EFEMP1: variants seen among roughly 807,000 people sequenced by gnomAD.
EFEMP1 encodes the protein EGF-like fibulin extracellular matrix protein 1.
EFEMP1 carries 18 observed loss-of-function variants against 65.7 expected under a neutral mutation model. The ratio of observed to expected loss-of-function variants is 0.27; its 90% CI spans 0.19 to 0.41. The LOEUF (loss-of-function observed/expected upper bound fraction) is 0.41. Among genes scored for constraint, EFEMP1 ranks in the 10% least tolerant of loss-of-function variants. The probability of loss-of-function intolerance (pLI) is 1.00; values close to 1 mark genes in which losing one functional copy is unlikely to be tolerated. For synonymous variants in EFEMP1, 237 were observed against 219.7 expected, an observed-to-expected ratio of 1.08 and a Z score of -0.70; for missense variants, 469 against 624.8, an observed-to-expected ratio of 0.75 and a Z score of 2.66.
At chr2:55,874,857 G>C (rs1668964111) in intron 9 of EFEMP1, 89 bp downstream of exon 9, 1 of 1,369,474 alleles carries the variant, frequency 7.3e-7, no homozygotes, top group South Asian at 1.4e-5. Flanking sequence ...TGGGAAAAAT[G>C]AAAGTCTATA....
Position 55,870,649 on chromosome 2 carries a change from A to G in EFEMP1, c.1320+71T>C. 1 of 1,541,562 alleles carries G rather than the reference A, an allele frequency of 6.5e-7. No homozygotes were observed. The highest frequency in any genetic ancestry group is 8.9e-7 in the Non-Finnish European group (1 of 1,127,142). ...CTTCCACATGTGGATACCACACAACAACAACAACAACAACAACAACAACAA... is the reference window on the plus strand; with the variant it reads ...CTTCCACATGTGGATACCACACAACGACAACAACAACAACAACAACAACAA... On this transcript the variant is annotated intron_variant, in intron 11 of 11. Coordinates refer to ENST00000355426, the MANE Select transcript of EFEMP1 (RefSeq NM_001039348.3). This position sits in a 1 kb window ranked among gnomAD's most constrained non-coding sequence, Gnocchi z 5.8.
At chr2:55,903,278 A>G (rs1338971734) in intron 5 of EFEMP1, among the ~76,000 whole-genome samples, 2 of 152,240 alleles carry the variant, frequency 1.3e-5, no homozygotes, top group Non-Finnish European at 2.9e-5. Context: ...GTTACAATGT[A>G]ATTTGTATTG....
At chr2:55,896,540 T>A (rs964158317) in intron 5 of EFEMP1, among the ~76,000 whole-genome samples, 2 of 152,214 alleles carry the variant, frequency 1.3e-5, no homozygotes, top group Admixed American at 1.3e-4. Context: ...CTACTCCTTA[T>A]GTTTGATAAA....
At chr2:55,876,799 T>G in intron 7 of EFEMP1, 57 bp from the exon 8 acceptor site, 1 of 1,076,824 alleles carries the variant, frequency 9.3e-7, no homozygotes, top group Non-Finnish European at 1.3e-6. Context: ...CACACACATA[T>G]ATATATAGAC....
Position 55,877,666 on chromosome 2 carries a change from T to G in EFEMP1, c.760+80A>C, listed in dbSNP as rs1012112657. The G allele has an allele frequency of 1.3e-6, 2 of 1,598,714 alleles. No individual in the cohort carries two copies. The highest frequency in any genetic ancestry group is 2.7e-5 in the African/African-American group (2 of 74,516). ...GATGGAAACTATTTACTCAAGAACATAGAAAACTGGAAATACTGCAACATG... is the reference window on the plus strand; with the variant it reads ...GATGGAAACTATTTACTCAAGAACAGAGAAAACTGGAAATACTGCAACATG... On this transcript the variant is annotated intron_variant, in intron 7 of 11. Coordinates refer to ENST00000355426, the MANE Select transcript of EFEMP1 (RefSeq NM_001039348.3). The surrounding 1 kb of genome is among the most constrained non-coding windows in gnomAD (Gnocchi z 4.5).
At chr2:55,879,863 G>A (rs1035402680) in intron 6 of EFEMP1, among the ~76,000 whole-genome samples, 1 of 152,186 alleles carries the variant, frequency 6.6e-6, no homozygotes, top group Non-Finnish European at 1.5e-5. Context: ...GTATTGGTCT[G>A]CCGTAGATTG....
At chr2:55,888,236 T>C (rs191747516) in intron 5 of EFEMP1, among the ~76,000 whole-genome samples, 4 of 152,296 alleles carry the variant, frequency 2.6e-5, no homozygotes, top group African/African-American at 7.2e-5. Context: ...GGAAACAACA[T>C]TGTCTACTGT....
chr2:55,875,879 A>G (rs1040288505), intron 8 of EFEMP1, among the ~76,000 whole-genome samples: 3 of 150,816 alleles, frequency 2.0e-5, no homozygotes, highest in Non-Finnish European at 4.4e-5. Context: ...GTCCTGAGGT[A>G]GCCTCTTTCA....
At position 55,870,615 on chromosome 2, in the gene EFEMP1, T is replaced by C; in HGVS notation, c.1320+105A>G. The stretch of plus-strand genomic sequence containing the variant: ...GCCTACACATAAGACACTTTAAATG[T>C]TTGCTTTCCTTCCACATGTGGATAC... On this transcript the variant is annotated intron_variant, in intron 11 of 11. Coordinates refer to ENST00000355426, the MANE Select transcript of EFEMP1 (RefSeq NM_001039348.3). The surrounding 1 kb of genome is among the most constrained non-coding windows in gnomAD (Gnocchi z 5.8). 7.1e-7 allele frequency: 1 copy of C among 1,410,812 alleles called. No individual in the cohort carries two copies. Among genetic ancestry groups the C allele is most frequent in the South Asian group, 1.2e-5 (1 of 85,276 alleles). 87.4% of individuals were successfully genotyped at this position (1,410,812 alleles called of 1,614,324 possible).
chr2:55,904,474 G>A (rs1222142233), intron 5 of EFEMP1, among the ~76,000 whole-genome samples: 1 of 152,152 alleles, frequency 6.6e-6, no homozygotes, highest in Admixed American at 6.5e-5. Context: ...GGTGTTTCCA[G>A]AATAGACAGC....
At position 55,876,623 on chromosome 2, in the gene EFEMP1, C is replaced by G; in HGVS notation, c.880G>C (p.Asp294His). 3 of 1,611,962 alleles carry G rather than the reference C, an allele frequency of 1.9e-6. No individual in the cohort carries two copies. Among genetic ancestry groups the G allele is most frequent in the Non-Finnish European group, 2.5e-6 (3 of 1,178,660 alleles). ...CCATACTATCTGGGAAGAGTTTTAC[C>G]TTCACAGTTGAGCCTGTCACTGCTT... ...ELSSDRLNCE[D>H]IDECRTSSYL... Residue 294 changes from aspartate (D) to histidine (H), a missense_variant and splice_region_variant, in exon 8 of 12, where the codon GAC becomes CAC. Coordinates refer to ENST00000355426, the MANE Select transcript of EFEMP1 (RefSeq NM_001039348.3).
intron 5 of EFEMP1, among the ~76,000 whole-genome samples, chr2:55,890,469 T>C (rs576227157): frequency 6.6e-6 from 1 of 152,216 alleles, no homozygotes; most frequent in South Asian, 2.1e-4. Flanking sequence ...TTTGAACTAA[T>C]TGACATGTAT....
chr2:55,922,169 C>G lies in EFEMP1; in HGVS notation c.81+191G>C. On this transcript the variant is annotated intron_variant, in intron 3 of 11. Transcript: ENST00000355426. The surrounding 1 kb of genome is among the most constrained non-coding windows in gnomAD (Gnocchi z 5.5). The stretch of plus-strand genomic sequence containing the variant: ...TTGGTTCCTATCTTAGGTGGTGAGC[C>G]CAATGAACTTTTGAAAGGATCAAGG... 1.7e-6 allele frequency: 1 copy of G among 594,258 alleles called. No individual in the cohort carries two copies. 36.8% of individuals were successfully genotyped at this position (594,258 alleles called of 1,614,324 possible). A position where few individuals can be genotyped will look rare whatever the true frequency, so the allele number is the denominator to read the frequency against.
Position 55,919,189 on chromosome 2 carries a change from G to A in EFEMP1, c.82-922C>T, listed in dbSNP as rs1670822131. Among the ~76,000 whole-genome samples, 1 of 152,174 alleles carries A rather than the reference G, an allele frequency of 6.6e-6. No homozygotes were observed. On this transcript the variant is annotated intron_variant, in intron 3 of 11. Coordinates refer to ENST00000355426, the MANE Select transcript of EFEMP1 (RefSeq NM_001039348.3). The surrounding 1 kb of genome is among the most constrained non-coding windows in gnomAD (Gnocchi z 4.5). ...AAAATTTTTGAAAAGGGAAGGAGCT[G>A]CAAGGAGTTCTGGGTAGGTGGAGGA... is the stretch of plus-strand genomic sequence containing the variant.
chr2:55,885,318 G>T lies in EFEMP1; in HGVS notation c.518-3584C>A, dbSNP rs939910117. ...GCAGACAGATGGCGTCAGCACAGCTGCCGGGGCTCTGTGTGAGGAGCCTGG... is the reference window on the plus strand; with the variant it reads ...GCAGACAGATGGCGTCAGCACAGCTTCCGGGGCTCTGTGTGAGGAGCCTGG... On this transcript the variant is annotated intron_variant, in intron 5 of 11. Transcript: ENST00000355426. The surrounding 1 kb of genome is among the most constrained non-coding windows in gnomAD (Gnocchi z 4.3). Among the ~76,000 whole-genome samples, 2 of 152,206 alleles carry T rather than the reference G, an allele frequency of 1.3e-5. No individual in the cohort carries two copies. The highest frequency in any genetic ancestry group is 2.4e-5 in the African/African-American group (1 of 41,450).
rs370947466 is a variant in EFEMP1, at chr2:55,881,748, G to T, written c.518-14C>A. ...ACTCGTCTATGTCTGTCAGAGACAT[G>T]CAACACAGAAAGAATTGTCAGTTGT... On this transcript the variant is annotated splice_polypyrimidine_tract_variant and intron_variant, in intron 5 of 11. Transcript: ENST00000355426. 56 of 1,613,714 alleles carry T rather than the reference G, an allele frequency of 3.5e-5. No individual in the cohort carries two copies. Among genetic ancestry groups the T allele is most frequent in the Non-Finnish European group, 4.3e-5 (51 of 1,179,836 alleles).
intron 5 of EFEMP1, among the ~76,000 whole-genome samples, chr2:55,907,484 C>T (rs1206322184): frequency 1.3e-5 from 2 of 152,156 alleles, no homozygotes; most frequent in African/African-American, 4.8e-5. Context: ...GAGGATTAAA[C>T]AGCAAACTCT....
chr2:55,876,601 T>C, intron 8 of EFEMP1, 22 bp downstream of exon 8: 1 of 1,610,928 alleles, frequency 6.2e-7, no homozygotes, highest in East Asian at 2.2e-5. Flanking sequence ...CTTTATTCCA[T>C]ACTATCTGGG....
Position 55,877,171 on chromosome 2 carries a change from T to C in EFEMP1, c.761-429A>G, listed in dbSNP as rs1459066385. 6.6e-6 allele frequency among the ~76,000 whole-genome samples: 1 copy of C among 152,208 alleles called. No individual in the cohort carries two copies. The highest frequency in any genetic ancestry group is 1.5e-5 in the Non-Finnish European group (1 of 68,034). On this transcript the variant is annotated intron_variant, in intron 7 of 11. Coordinates refer to ENST00000355426, the MANE Select transcript of EFEMP1 (RefSeq NM_001039348.3). This position sits in a 1 kb window ranked among gnomAD's most constrained non-coding sequence, Gnocchi z 4.5. Reference sequence around the variant, plus strand: ...CTCAGCATGCTGTACTGAAGATTTATCTGTGCTATTTATTACTTTTTAAAT... The same window carrying C: ...CTCAGCATGCTGTACTGAAGATTTACCTGTGCTATTTATTACTTTTTAAAT...
Sources: gnomAD v4.1 joint callset for allele counts (sites outside exome capture counted in the v4.1 genomes callset) on GRCh38, gnomAD v4.1.1 for gene constraint, Gnocchi (gnomAD v3.1) non-coding constraint, MANE v1.5 for transcripts, NCBI Gene and HGNC (gene_info 2026-07-23, HGNC 2026-07-21) for gene names.